Variants in CCDC3 observed in about 807,000 individuals in gnomAD.
The protein encoded by CCDC3 is coiled-coil domain containing 3.
CCDC3 carries 24 observed loss-of-function variants against 21.4 expected under a neutral mutation model. The ratio of observed to expected loss-of-function variants is 1.12; its 90% CI spans 0.81 to 1.58. CCDC3 has a LOEUF of 1.58. Ranked by LOEUF, CCDC3 falls within the 40% of genes most tolerant of loss-of-function variation. The probability of loss-of-function intolerance (pLI) is 0.00; values close to 1 mark genes in which losing one functional copy is unlikely to be tolerated. For missense variants in CCDC3, 425 were observed against 360.9 expected (o/e 1.18, Z -1.44); for synonymous variants, 186 against 166.0 (o/e 1.12, Z -0.93).
In CCDC3 at chr10:13,001,549, C is replaced by T; in HGVS notation, c.22G>A (p.Ala8Thr). 1 of 1,262,736 alleles carries T rather than the reference C, an allele frequency of 7.9e-7. No individual in the cohort carries two copies. 78.2% of individuals were successfully genotyped at this position (1,262,736 alleles called of 1,614,324 possible). Residue 8 changes from alanine to threonine, a missense_variant, in exon 1 of 3, where the codon GCC becomes ACC. Coordinates refer to ENST00000378825, the MANE Select transcript of CCDC3 (RefSeq NM_031455.4). ...GGGGGACCCGCCAGGCAGAGCGCGGCGAGCAGCAGCTGGCGCAGCATGCCG... is the reference window on the plus strand; with the variant it reads ...GGGGGACCCGCCAGGCAGAGCGCGGTGAGCAGCAGCTGGCGCAGCATGCCG... MLRQLLLAALCLAGPPAP... is the reference protein window; with the variant it reads MLRQLLLTALCLAGPPAP...
chr10:12,975,609 C>G (rs775402818), intron 2 of CCDC3, among the ~76,000 whole-genome samples: 1 of 152,176 alleles, frequency 6.6e-6, no homozygotes, highest in Non-Finnish European at 1.5e-5. Flanking sequence ...GGACTCTGGA[C>G]AGAAAGTGGC....
At chr10:13,042,386 G>A (rs1395893176) in intron 5 of CCDC3, among the ~76,000 whole-genome samples, 1 of 152,270 alleles carries the variant, frequency 6.6e-6, no homozygotes, top group Non-Finnish European at 1.5e-5. Flanking sequence ...GTCAGGGAAT[G>A]AGGGGCGGGA....
intron 2 of CCDC3, among the ~76,000 whole-genome samples, chr10:12,983,410 T>A (rs148691095): frequency 0.015 from 2,316 of 150,830 alleles, 64 homozygotes; most frequent in African/African-American, 0.053. Context: ...TTGTCTCTAC[T>A]AAAAATACAA....
chr10:13,090,063 A>ACCGTTTCTTTCT (rs1564345350), intron 3 of CCDC3, among the ~76,000 whole-genome samples: 1 of 56,954 alleles, frequency 1.8e-5, no homozygotes, highest in East Asian at 6.3e-4. Context: ...ATATATATAT[A>ACCGTTTCTTTCT]TATATATATA....
intron 2 of CCDC3, among the ~76,000 whole-genome samples, chr10:12,944,811 C>T (rs1283291153): frequency 6.6e-6 from 1 of 152,154 alleles, no homozygotes; most frequent in Non-Finnish European, 1.5e-5. Flanking sequence ...GTGACGGATA[C>T]TTAATGTCTC....
chr10:12,918,211 C>T (rs17152472), intron 2 of CCDC3, among the ~76,000 whole-genome samples: 7,418 of 152,238 alleles, frequency 0.049, 257 homozygotes, highest in East Asian at 0.13. Flanking sequence ...TTAATAAGTA[C>T]TCCAGTGCCA....
chr10:13,065,206 T>G (rs918055170), intron 4 of CCDC3, among the ~76,000 whole-genome samples: 5 of 152,238 alleles, frequency 3.3e-5, no homozygotes, highest in Non-Finnish European at 5.9e-5. Context: ...CTCTCTTGGT[T>G]TCAAACAGTC....
intron 5 of CCDC3, among the ~76,000 whole-genome samples, chr10:13,015,337 C>T (rs746417141): frequency 3.3e-5 from 5 of 152,020 alleles, no homozygotes; most frequent in Non-Finnish European, 5.9e-5. Context: ...AATCAAATTC[C>T]GAAAGGGCTA....
intron 5 of CCDC3, among the ~76,000 whole-genome samples, chr10:13,016,249 A>C (rs1836057511): frequency 6.6e-6 from 1 of 151,650 alleles, no homozygotes; most frequent in Admixed American, 6.6e-5. Context: ...AACAAATAAA[A>C]ACCCCAGCAC....
At chr10:13,038,818 C>A (rs967219948) in intron 5 of CCDC3, among the ~76,000 whole-genome samples, 2 of 152,210 alleles carry the variant, frequency 1.3e-5, no homozygotes, top group African/African-American at 4.8e-5. Flanking sequence ...AGGGATAGAT[C>A]TGTGGGCTGG....
intron 2 of CCDC3, among the ~76,000 whole-genome samples, chr10:12,956,923 C>T (rs1015899534): frequency 1.3e-5 from 2 of 152,244 alleles, no homozygotes; most frequent in Admixed American, 6.5e-5. Flanking sequence ...TAGCCAGCAA[C>T]CCAATAGGCA....
At chr10:13,016,613 G>A (rs1393288245) in intron 5 of CCDC3, among the ~76,000 whole-genome samples, 2 of 151,836 alleles carry the variant, frequency 1.3e-5, no homozygotes, top group Non-Finnish European at 2.9e-5. Context: ...CTTCCCCCGG[G>A]GTCACATAAC....
intron 2 of CCDC3, among the ~76,000 whole-genome samples, chr10:12,899,100 G>C (rs1168045633): frequency 6.6e-6 from 1 of 152,024 alleles, no homozygotes; most frequent in East Asian, 1.9e-4. Flanking sequence ...CGAAGGCTCT[G>C]ATCAATGCTG....
chr10:12,954,343 G>T (rs1835052401), intron 2 of CCDC3, among the ~76,000 whole-genome samples: 1 of 152,206 alleles, frequency 6.6e-6, no homozygotes, highest in Admixed American at 6.5e-5. Flanking sequence ...AACTCAAATA[G>T]TTTTGATTTG....
intron 3 of CCDC3, among the ~76,000 whole-genome samples, chr10:13,083,719 CT>C (rs530804655): frequency 2.6e-5 from 4 of 152,330 alleles, no homozygotes; most frequent in African/African-American, 9.6e-5. Context: ...TTCTCCATTG[CT>C]TTTACCTATT....
chr10:12,926,762 C>CA (rs1834547030), intron 2 of CCDC3, among the ~76,000 whole-genome samples: 1 of 152,074 alleles, frequency 6.6e-6, no homozygotes, highest in Admixed American at 6.5e-5. Context: ...AAACACTAAG[C>CA]ATAAGAAAGC....
At chr10:12,903,587 G>C (rs56007993) in intron 2 of CCDC3, among the ~76,000 whole-genome samples, 38,436 of 152,158 alleles carry the variant, frequency 0.25, 5,389 homozygotes, top group Admixed American at 0.36. Context: ...CAAAGCAACA[G>C]ACTCCTCATA....
intron 5 of CCDC3, among the ~76,000 whole-genome samples, chr10:13,029,364 A>G (rs189563906): frequency 2.6e-4 from 40 of 152,314 alleles, no homozygotes; most frequent in Admixed American, 5.2e-4. Context: ...AAGGTAGATA[A>G]AACCACAAAG....
At chr10:13,046,574 G>C (rs825426) in intron 5 of CCDC3, among the ~76,000 whole-genome samples, 80,329 of 151,544 alleles carry the variant, frequency 0.53, 22,460 homozygotes, top group Non-Finnish European at 0.61. Flanking sequence ...AGGTGTGGTG[G>C]GGCATGCCTG....
Sources: gnomAD v4.1 joint callset for allele counts (sites outside exome capture counted in the v4.1 genomes callset) on GRCh38, gnomAD v4.1.1 for gene constraint, MANE v1.5 for transcripts, NCBI Gene and HGNC (gene_info 2026-07-23, HGNC 2026-07-21) for gene names.